The following NF1 variants were observed in gnomAD, a reference collection of about 807,000 sequenced individuals.
NF1 encodes neurofibromin.
A neutral mutation model predicts 325.7 loss-of-function variants in NF1; 122 were observed. That is an observed-to-expected ratio of 0.37 (90% confidence interval 0.32 to 0.44). The LOEUF is 0.44. Ranked by LOEUF, NF1 falls within the 20% of genes least tolerant of loss-of-function variation. The probability of loss-of-function intolerance (pLI) is 1.00; values close to 1 mark genes in which losing one functional copy is unlikely to be tolerated. For synonymous variants in NF1, 1,091 were observed against 1,186.0 expected, an observed-to-expected ratio of 0.92 and a Z score of 1.65; for missense variants, 2,140 against 3,415.4, an observed-to-expected ratio of 0.63 and a Z score of 9.31.
chr17:31,308,361 G>A (rs1483987222), intron 36 of NF1, among the ~76,000 whole-genome samples: 2 of 151,910 alleles, frequency 1.3e-5, no homozygotes, highest in East Asian at 1.9e-4. Flanking sequence ...GACCGGTCTC[G>A]AACTCCTGAC....
chr17:31,154,906 ATTTTTGTAT>A (rs1374232248), intron 1 of NF1, among the ~76,000 whole-genome samples: 1 of 151,278 alleles, frequency 6.6e-6, no homozygotes, highest in Non-Finnish European at 1.5e-5. Flanking sequence ...CACCCAGCTA[ATTTTTGTAT>A]TTTTAGTAGA....
intron 2 of NF1, among the ~76,000 whole-genome samples, chr17:31,158,114 C>T (rs1427644384): frequency 6.6e-6 from 1 of 152,204 alleles, no homozygotes; most frequent in African/African-American, 2.4e-5. Context: ...CTTCTTACCT[C>T]TAGTGTCCTC....
chr17:31,170,149 G>T (rs2065907308), intron 5 of NF1, 152 bp downstream of exon 5: 2 of 607,622 alleles, frequency 3.3e-6, no homozygotes, highest in South Asian at 3.8e-5. Flanking sequence ...ATACAAATGG[G>T]TAATTATTTT....
At chr17:31,156,941 ACT>A (rs1294885228) in intron 2 of NF1, among the ~76,000 whole-genome samples, 1 of 151,864 alleles carries the variant, frequency 6.6e-6, no homozygotes, top group Non-Finnish European at 1.5e-5. Context: ...TTAACTCTGA[ACT>A]CTCTGCTGGT....
At chr17:31,170,545 A>T (rs2065913248) in intron 5 of NF1, among the ~76,000 whole-genome samples, 1 of 152,230 alleles carries the variant, frequency 6.6e-6, no homozygotes, top group East Asian at 1.9e-4. Flanking sequence ...TCCTTGTAGA[A>T]CATGTCAGTA....
intron 4 of NF1, among the ~76,000 whole-genome samples, chr17:31,166,161 T>C (rs574912271): frequency 6.6e-5 from 10 of 152,332 alleles, no homozygotes; most frequent in African/African-American, 1.7e-4. Flanking sequence ...TCATTTGATA[T>C]ACCACCAGAA....
At chr17:31,268,723 G>A (rs1161490087) in intron 36 of NF1, among the ~76,000 whole-genome samples, 2 of 151,886 alleles carry the variant, frequency 1.3e-5, no homozygotes, top group African/African-American at 2.4e-5. Flanking sequence ...TTTTGAGACA[G>A]GGTCTCACTC....
intron 36 of NF1, among the ~76,000 whole-genome samples, chr17:31,308,675 T>C (rs1364515846): frequency 6.6e-6 from 1 of 152,140 alleles, no homozygotes; most frequent in Admixed American, 6.6e-5. Flanking sequence ...CCTCTTCCCC[T>C]TTCTGGCTGC....
At chr17:31,270,770 G>A (rs1191845364) in intron 36 of NF1, among the ~76,000 whole-genome samples, 1 of 152,134 alleles carries the variant, frequency 6.6e-6, no homozygotes, top group Non-Finnish European at 1.5e-5. Context: ...TCAGGAAACT[G>A]TGCATATTAC....
chr17:31,338,738 A>C lies in NF1; in HGVS notation c.6854A>C (p.Tyr2285Ser). 1 of 1,613,394 alleles carries C rather than the reference A, an allele frequency of 6.2e-7. No individual in the cohort carries two copies. Among genetic ancestry groups the C allele is most frequent in the Non-Finnish European group, 8.5e-7 (1 of 1,179,526 alleles). ...AGTTGCTTAAAAGGACCTGACACTT[A>C]CAACAGTCAAGTTCTGATAGAAGCT... ...LESCLKGPDT[Y>S]NSQVLIEATV... Residue 2285 changes from tyrosine (Y) to serine (S), a missense_variant, in exon 46 of 58, where the codon TAC becomes TCC. Physicochemically the swap from Tyr to Ser is moderately radical, Grantham distance 144 (BLOSUM62 -2). Transcript: ENST00000358273.
chr17:31,126,112 T>TG (rs1005577707), intron 1 of NF1, among the ~76,000 whole-genome samples: 4 of 151,936 alleles, frequency 2.6e-5, no homozygotes, highest in African/African-American at 9.7e-5. Flanking sequence ...TGCTTGAACC[T>TG]GGGAGGCGGA....
intron 57 of NF1, among the ~76,000 whole-genome samples, chr17:31,366,664 G>A (rs1332396005): frequency 6.6e-6 from 1 of 152,152 alleles, no homozygotes; most frequent in Non-Finnish European, 1.5e-5. Context: ...TGAGGTGGGA[G>A]GATTGCTTGA....
At chr17:31,138,858 A>G (rs1411929591) in intron 1 of NF1, among the ~76,000 whole-genome samples, 1 of 151,856 alleles carries the variant, frequency 6.6e-6, no homozygotes, top group Non-Finnish European at 1.5e-5. Flanking sequence ...CTGGGATCAG[A>G]GGCAGCATTC....
rs1261053304 is a variant in NF1, at chr17:31,312,097, A to G, written c.4836-13723A>G. Among the ~76,000 whole-genome samples the G allele has an allele frequency of 3.3e-5, 5 of 152,104 alleles. No homozygotes were observed. The South Asian group carries it at 1.0e-3, about 32-fold the overall frequency. ...TTGGACATTGAAAGGCATCAGATTT[A>G]TGTTTCTCAATTCAAACTTAATCAG... On this transcript the variant is annotated intron_variant, in intron 36 of 57. Coordinates refer to ENST00000358273, the MANE Select transcript of NF1 (RefSeq NM_001042492.3).
intron 24 of NF1, among the ~76,000 whole-genome samples, chr17:31,231,602 A>G (rs964893167): frequency 2.0e-5 from 3 of 152,174 alleles, no homozygotes; most frequent in Admixed American, 6.5e-5. Context: ...TATATTTTTA[A>G]TTATCTTCAG....
intron 36 of NF1, among the ~76,000 whole-genome samples, chr17:31,314,669 G>A (rs2068975418): frequency 6.6e-6 from 1 of 152,106 alleles, no homozygotes; most frequent in Non-Finnish European, 1.5e-5. Flanking sequence ...ATACTCCATT[G>A]TGTATATGTA....
chr17:31,140,567 C>T (rs1458449035), intron 1 of NF1, among the ~76,000 whole-genome samples: 4 of 152,096 alleles, frequency 2.6e-5, no homozygotes, highest in Admixed American at 1.3e-4. Context: ...TTTTGTGTTT[C>T]AAAAGTATAG....
chr17:31,309,477 G>C (rs1213197323), intron 36 of NF1, among the ~76,000 whole-genome samples: 1 of 152,166 alleles, frequency 6.6e-6, no homozygotes, highest in African/African-American at 2.4e-5. Context: ...CATCCATGCA[G>C]TTCCTACCCA....
At chr17:31,194,705 A>G (rs1437533392) in intron 8 of NF1, among the ~76,000 whole-genome samples, 1 of 152,174 alleles carries the variant, frequency 6.6e-6, no homozygotes, top group African/African-American at 2.4e-5. Context: ...CTCTAGTTTT[A>G]GAGCTGAATT....
Sources: allele counts gnomAD v4.1 joint callset (sites outside exome capture counted in the v4.1 genomes callset), GRCh38; gene constraint gnomAD v4.1.1; transcripts MANE v1.5; gene names NCBI Gene and HGNC (gene_info 2026-07-23, HGNC 2026-07-21).